The following THSD7B variants were observed in gnomAD, a reference collection of about 807,000 sequenced individuals.
THSD7B encodes thrombospondin type-1 domain-containing protein 7B.
Under a neutral mutation model 213.6 loss-of-function variants are expected in THSD7B, and 138 were observed. The observed-to-expected ratio is 0.65, with a 90% CI of 0.56 to 0.74. THSD7B has a LOEUF of 0.74. Ranked by LOEUF, THSD7B falls within the 30% of genes least tolerant of loss-of-function variation. The pLI is 0.00. For missense variants in THSD7B, 1,931 were observed against 1,991.5 expected (o/e 0.97, Z 0.58); for synonymous variants, 742 against 687.0 (o/e 1.08, Z -1.25).
intron 1 of THSD7B, among the ~76,000 whole-genome samples, chr2:136,776,099 T>C (rs1312435130): frequency 1.3e-5 from 2 of 152,060 alleles, no homozygotes; most frequent in East Asian, 3.9e-4. Flanking sequence ...ACAGAGTTTT[T>C]ATGGAGTTAG....
intron 12 of THSD7B, among the ~76,000 whole-genome samples, chr2:137,354,165 G>T (rs1685076221): frequency 6.6e-6 from 1 of 151,756 alleles, no homozygotes; most frequent in South Asian, 2.1e-4. Context: ...TCATATATTT[G>T]TCTTTCCCGT....
At chr2:137,439,395 T>C (rs1049132172) in intron 14 of THSD7B, among the ~76,000 whole-genome samples, 2 of 152,130 alleles carry the variant, frequency 1.3e-5, no homozygotes, top group East Asian at 1.9e-4. Context: ...GGCTATTTAA[T>C]TTTTTGAAGA....
rs144514352 is a variant in THSD7B, at chr2:137,445,331, A to G, written c.2960-5514A>G. ...AATGTTTATTGCAGCAATAATCACA[A>G]TAGCCAAGATATGGAATCCACCTAA... On this transcript the variant is annotated intron_variant, in intron 14 of 27. Transcript: ENST00000409968. Among the ~76,000 whole-genome samples, 16 of 152,202 alleles carry G rather than the reference A, an allele frequency of 1.1e-4. 1 individual carries two copies. The East Asian group carries it at 2.9e-3, about 27-fold the overall frequency.
chr2:137,531,136 A>G (rs933815171), intron 15 of THSD7B, among the ~76,000 whole-genome samples: 8 of 152,002 alleles, frequency 5.3e-5, no homozygotes, highest in Non-Finnish European at 1.2e-4. Context: ...TAGGGATAAT[A>G]TAAGCATTGT....
chr2:137,307,125 T>C (rs1274383713), intron 12 of THSD7B, among the ~76,000 whole-genome samples: 1 of 152,188 alleles, frequency 6.6e-6, no homozygotes, highest in Non-Finnish European at 1.5e-5. Context: ...CTTTATAAAA[T>C]AGGTGTAACA....
At chr2:137,509,099 A>G (rs1573673792) in intron 15 of THSD7B, among the ~76,000 whole-genome samples, 1 of 152,168 alleles carries the variant, frequency 6.6e-6, no homozygotes, top group Admixed American at 6.5e-5. Context: ...TTTCAGAATC[A>G]TATGAACGGT....
chr2:136,883,971 A>G (rs1423623342), intron 2 of THSD7B, among the ~76,000 whole-genome samples: 1 of 152,214 alleles, frequency 6.6e-6, no homozygotes, highest in Non-Finnish European at 1.5e-5. Context: ...CAGATTACTT[A>G]TGTATGACTG....
intron 5 of THSD7B, among the ~76,000 whole-genome samples, chr2:137,139,997 T>G (rs922704422): frequency 6.6e-6 from 1 of 151,794 alleles, no homozygotes; most frequent in South Asian, 2.1e-4. Context: ...TTATAAAAAT[T>G]TATAGAGAGA....
Position 137,659,738 on chromosome 2 carries a change from T to C in THSD7B, c.4450T>C (p.Cys1484Arg). The C allele has an allele frequency of 6.2e-7, 1 of 1,601,426 alleles. No homozygotes were observed. Among genetic ancestry groups the C allele is most frequent in the Non-Finnish European group, 8.5e-7 (1 of 1,173,618 alleles). The change falls in exon 25 of 28, where the codon TGT becomes CGT. Residue 1484 changes from cysteine to arginine, a missense_variant. Transcript: ENST00000409968. ...IPACRKPFSY[C>R]TQGGVCGCEK... ...AGCCTGCAGAAAACCTTTCTCCTAC[T>C]GTACACAGGTGAGTCATGTGCTGGA...
intron 27 of THSD7B, 106 bp from the exon 28 acceptor site, chr2:137,676,418 T>C (rs1189689393): frequency 1.9e-6 from 2 of 1,028,870 alleles, no homozygotes; most frequent in East Asian, 5.5e-5. Flanking sequence ...AAATGAATCT[T>C]TTTGTCATTT....
chr2:136,925,613 G>A (rs1684510210), intron 2 of THSD7B, among the ~76,000 whole-genome samples: 1 of 152,084 alleles, frequency 6.6e-6, no homozygotes, highest in Non-Finnish European at 1.5e-5. Context: ...TATTCATTAA[G>A]GATATTGGTC....
chr2:137,603,681 A>G (rs1682117485), intron 17 of THSD7B, among the ~76,000 whole-genome samples: 1 of 152,262 alleles, frequency 6.6e-6, no homozygotes, highest in African/African-American at 2.4e-5. Flanking sequence ...TTATTACGCT[A>G]TGTGACTTTG....
chr2:137,497,951 C>T (rs896873537), intron 15 of THSD7B, among the ~76,000 whole-genome samples: 4 of 152,196 alleles, frequency 2.6e-5, no homozygotes, highest in African/African-American at 7.2e-5. Context: ...ACCTTCCTGC[C>T]GAGAACTTAT....
At chr2:137,659,085 T>G (rs988442212) in intron 24 of THSD7B, among the ~76,000 whole-genome samples, 1 of 152,196 alleles carries the variant, frequency 6.6e-6, no homozygotes, top group African/African-American at 2.4e-5. Context: ...GATGTTTGAT[T>G]GTCTCTCCTA....
intron 3 of THSD7B, among the ~76,000 whole-genome samples, chr2:137,078,703 A>G (rs1687682309): frequency 6.6e-6 from 1 of 151,854 alleles, no homozygotes; most frequent in African/African-American, 2.4e-5. Flanking sequence ...AATTTAATTC[A>G]TTTATTTTCG....
chr2:137,555,567 G>A (rs1013361349), intron 15 of THSD7B, among the ~76,000 whole-genome samples: 1 of 151,972 alleles, frequency 6.6e-6, no homozygotes, highest in Non-Finnish European at 1.5e-5. Context: ...AAAGACCAAA[G>A]GTAGATAAAA....
intron 15 of THSD7B, among the ~76,000 whole-genome samples, chr2:137,503,781 C>CT (rs932524730): frequency 1.1e-4 from 17 of 152,074 alleles, no homozygotes; most frequent in African/African-American, 3.9e-4. Context: ...AATCCCACCA[C>CT]TTTGGGAGGC....
chr2:136,884,432 C>T (rs1683682258), intron 2 of THSD7B, among the ~76,000 whole-genome samples: 1 of 152,038 alleles, frequency 6.6e-6, no homozygotes, highest in Non-Finnish European at 1.5e-5. Context: ...GGAAGGAGGC[C>T]AGGGGAATGA....
chr2:137,460,204 G>C (rs1349889029), intron 15 of THSD7B, among the ~76,000 whole-genome samples: 1 of 152,130 alleles, frequency 6.6e-6, no homozygotes, highest in African/African-American at 2.4e-5. Context: ...GACTCAATCA[G>C]TTCTCTTTCC....
Sources: gnomAD v4.1 joint callset for allele counts (sites outside exome capture counted in the v4.1 genomes callset) on GRCh38, gnomAD v4.1.1 for gene constraint, MANE v1.5 for transcripts, NCBI Gene and HGNC (gene_info 2026-07-23, HGNC 2026-07-21) for gene names.